The following EFCAB6 variants were observed in gnomAD, a reference collection of about 807,000 sequenced individuals.
EFCAB6 encodes the protein EF-hand calcium-binding domain-containing protein 6.
Under a neutral mutation model 169.8 loss-of-function variants are expected in EFCAB6, and 156 were observed. The observed-to-expected ratio is 0.92, with a 90% CI of 0.81 to 1.05. The LOEUF (loss-of-function observed/expected upper bound fraction) is 1.05. EFCAB6 is among the 50% of genes least tolerant of loss of function. The pLI is 0.00. For synonymous variants in EFCAB6, 698 were observed against 676.4 expected (o/e 1.03, Z -0.50); for missense variants, 1,800 against 1,829.1 (o/e 0.98, Z 0.29).
At chr22:43,767,843 C>A (rs991553612) in intron 4 of EFCAB6, among the ~76,000 whole-genome samples, 19 of 152,220 alleles carry the variant, frequency 1.2e-4, no homozygotes, top group African/African-American at 4.6e-4. Context: ...AAAGCTAAGC[C>A]CCTTAGACAA....
intron 7 of EFCAB6, among the ~76,000 whole-genome samples, chr22:43,734,768 A>G (rs953475208): frequency 2.6e-5 from 4 of 152,222 alleles, no homozygotes; most frequent in African/African-American, 9.6e-5. Context: ...CAAAAGAGAA[A>G]CAGATGCTAT....
In EFCAB6 at chr22:43,795,820, A is replaced by C. The variant is rs944536119; in HGVS notation, c.-8+13175T>G. Among the ~76,000 whole-genome samples the C allele has an allele frequency of 2.5e-5, 1 of 39,352 alleles. No individual in the cohort carries two copies. Among genetic ancestry groups the C allele is most frequent in the African/African-American group, 9.0e-5 (1 of 11,092 alleles). The allele number at this position is 39,352 out of a possible 152,430, so 25.8% of individuals were successfully genotyped here. A position where few individuals can be genotyped will look rare whatever the true frequency, so the allele number is the denominator to read the frequency against. ...CCATTCAGACAGCACTCGCCTCCCA[A>C]CACACACACACACACACACACTACA... On this transcript the variant is annotated intron_variant, in intron 2 of 31. Coordinates refer to ENST00000262726, the MANE Select transcript of EFCAB6 (RefSeq NM_022785.4). The surrounding 1 kb of genome is among the most constrained non-coding windows in gnomAD (Gnocchi z 4.2).
At chr22:43,756,345 T>C (rs2060956971) in intron 5 of EFCAB6, among the ~76,000 whole-genome samples, 1 of 152,228 alleles carries the variant, frequency 6.6e-6, no homozygotes, top group Non-Finnish European at 1.5e-5. Context: ...CTGACCACTG[T>C]CGGGCTCTAC....
intron 26 of EFCAB6, among the ~76,000 whole-genome samples, chr22:43,574,055 C>A (rs1169419393): frequency 6.6e-6 from 1 of 151,856 alleles, no homozygotes; most frequent in African/African-American, 2.4e-5. Flanking sequence ...TTTCTTGGAT[C>A]TTTCCTAAGA....
intron 26 of EFCAB6, among the ~76,000 whole-genome samples, chr22:43,570,997 C>T (rs2049835479): frequency 6.6e-6 from 1 of 152,198 alleles, no homozygotes; most frequent in Non-Finnish European, 1.5e-5. Context: ...TGGTGCTTAA[C>T]AAAGCAGTAT....
chr22:43,717,487 G>C (rs916165161), intron 8 of EFCAB6, among the ~76,000 whole-genome samples: 1 of 151,758 alleles, frequency 6.6e-6, no homozygotes, highest in Non-Finnish European at 1.5e-5. Context: ...TAGCTCTTAT[G>C]AATCAATAAA....
intron 27 of EFCAB6, among the ~76,000 whole-genome samples, chr22:43,542,166 C>T (rs1245380641): frequency 2.0e-5 from 3 of 152,194 alleles, no homozygotes; most frequent in Non-Finnish European, 2.9e-5. Flanking sequence ...TGAGGGAGGT[C>T]GGTGTGCATG....
intron 26 of EFCAB6, among the ~76,000 whole-genome samples, chr22:43,558,359 A>C (rs951186154): frequency 6.6e-6 from 1 of 152,192 alleles, no homozygotes; most frequent in African/African-American, 2.4e-5. Flanking sequence ...AAGCAATTGA[A>C]TACCTCTGGA....
At chr22:43,564,434 C>T (rs939683945) in intron 26 of EFCAB6, among the ~76,000 whole-genome samples, 1 of 138,962 alleles carries the variant, frequency 7.2e-6, no homozygotes, top group African/African-American at 2.7e-5. Flanking sequence ...GGTGACAGAG[C>T]AAAACTATGT....
chr22:43,646,750 T>A (rs2056183222), intron 17 of EFCAB6, among the ~76,000 whole-genome samples: 1 of 152,144 alleles, frequency 6.6e-6, no homozygotes, highest in Non-Finnish European at 1.5e-5. Flanking sequence ...ATCAAAGAAA[T>A]GCAAATTAAA....
chr22:43,651,350 T>G (rs140559389), intron 17 of EFCAB6, among the ~76,000 whole-genome samples: 2,935 of 152,362 alleles, frequency 0.019, 98 homozygotes, highest in African/African-American at 0.067. Flanking sequence ...CCTTGGCAGC[T>G]TCCACATGGT....
intron 12 of EFCAB6, 146 bp from the exon 13 acceptor site, chr22:43,678,309 A>G (rs1044130162): frequency 1.2e-5 from 8 of 694,554 alleles, no homozygotes; most frequent in African/African-American, 9.2e-5. Context: ...TCGACTGATG[A>G]TCCTTACATA....
intron 4 of EFCAB6, among the ~76,000 whole-genome samples, chr22:43,770,832 G>C (rs1466262044): frequency 6.6e-6 from 1 of 150,872 alleles, no homozygotes; most frequent in African/African-American, 2.4e-5. Context: ...CAAAAAAAAA[G>C]ACAGAATTAA....
At chr22:43,748,298 T>C (rs1004565842) in intron 6 of EFCAB6, among the ~76,000 whole-genome samples, 4 of 152,224 alleles carry the variant, frequency 2.6e-5, no homozygotes, top group Admixed American at 2.6e-4. Context: ...CAAATGCATC[T>C]TTTCCGCCAG....
intron 10 of EFCAB6, among the ~76,000 whole-genome samples, chr22:43,693,217 G>T (rs954023989): frequency 6.6e-6 from 1 of 151,796 alleles, no homozygotes; most frequent in Non-Finnish European, 1.5e-5. Context: ...GTAAAGACCC[G>T]GATAGGCTGA....
intron 20 of EFCAB6, among the ~76,000 whole-genome samples, chr22:43,619,302 A>C (rs1602655215): frequency 6.6e-6 from 1 of 152,228 alleles, no homozygotes; most frequent in East Asian, 1.9e-4. Context: ...CTTGCAGTCT[A>C]AAACTAACTA....
At position 43,687,590 on chromosome 22, in the gene EFCAB6, A is replaced by T. The variant is rs757580399; in HGVS notation, c.1032-9T>A. On this transcript the variant is annotated splice_polypyrimidine_tract_variant and intron_variant, in intron 10 of 31. Transcript: ENST00000262726. ...TGGCTTTAAGTCCAAATCTGGATTT[A>T]AAAGTAACAACAAAAAACATTACTT... The T allele has an allele frequency of 7.2e-6, 11 of 1,520,536 alleles. No individual in the cohort carries two copies. The African/African-American group carries it at 1.3e-4, about 17-fold the overall frequency. The allele number at this position is 1,520,536 out of a possible 1,614,324, so 94.2% of individuals were successfully genotyped here.
intron 10 of EFCAB6, among the ~76,000 whole-genome samples, chr22:43,703,163 C>T (rs1432634316): frequency 6.6e-6 from 1 of 152,128 alleles, no homozygotes; most frequent in East Asian, 1.9e-4. Flanking sequence ...CTCTGTGGCC[C>T]AGCCCAATAT....
chr22:43,630,762 T>C (rs2054882026), intron 19 of EFCAB6, among the ~76,000 whole-genome samples: 1 of 152,108 alleles, frequency 6.6e-6, no homozygotes, highest in Non-Finnish European at 1.5e-5. Context: ...CACTCCCCAC[T>C]TAAATGACCC....
Sources: gnomAD v4.1 joint callset for allele counts (sites outside exome capture counted in the v4.1 genomes callset) on GRCh38, gnomAD v4.1.1 for gene constraint, Gnocchi (gnomAD v3.1) non-coding constraint, MANE v1.5 for transcripts, NCBI Gene and HGNC (gene_info 2026-07-23, HGNC 2026-07-21) for gene names.